Variants in MYBPC1 observed in about 807,000 individuals in gnomAD.
The protein encoded by MYBPC1 is myosin binding protein C1, also known as myosin-binding protein C, slow-type.
In MYBPC1, 52 loss-of-function variants were observed where a neutral mutation model predicts 147.1. The observed-to-expected ratio is 0.35, with a 90% CI of 0.28 to 0.45. The LOEUF (loss-of-function observed/expected upper bound fraction) is 0.45, where lower values mean the gene tolerates loss of function less well. Among genes scored for constraint, MYBPC1 ranks in the 20% least tolerant of loss-of-function variants. MYBPC1 has a pLI of 1.00. For missense variants in MYBPC1, 1,228 were observed against 1,440.3 expected, an observed-to-expected ratio of 0.85 and a Z score of 2.39; for synonymous variants, 477 against 475.9, an observed-to-expected ratio of 1.00 and a Z score of -0.03.
intron 11 of MYBPC1, 116 bp downstream of exon 11, chr12:101,642,701 G>A (rs747823939): frequency 9.6e-6 from 11 of 1,150,746 alleles, no homozygotes; most frequent in Non-Finnish European, 1.4e-5. Flanking sequence ...GAGTGGGGCT[G>A]GGTAGGAGTG....
At chr12:101,605,722 C>G (rs1881876361) in intron 1 of MYBPC1, among the ~76,000 whole-genome samples, 1 of 151,622 alleles carries the variant, frequency 6.6e-6, no homozygotes, top group Non-Finnish European at 1.5e-5. Flanking sequence ...ATTAGCTGAG[C>G]GTGGTGGTGG....
chr12:101,694,300 G>A, the MYBPC1 span, among the ~76,000 whole-genome samples: 2 of 152,200 alleles, frequency 1.3e-5, no homozygotes, highest in Non-Finnish European at 2.9e-5. Context: ...CCACATGGGA[G>A]CTGCAAAGTG....
chr12:101,685,793 T>A lies in MYBPC1; in HGVS notation c.*231T>A. On this transcript the variant is annotated 3_prime_UTR_variant, in exon 32 of 32. Transcript: ENST00000361466. ...GGCCCCCAAGTGTGGTCTTTTTCTTTCCTCCTAATGTTGAAGAGAAAAAAA... is the reference window on the plus strand; with the variant it reads ...GGCCCCCAAGTGTGGTCTTTTTCTTACCTCCTAATGTTGAAGAGAAAAAAA... 1.5e-6 allele frequency: 1 copy of A among 688,064 alleles called. No individual in the cohort carries two copies. Among genetic ancestry groups the A allele is most frequent in the East Asian group, 3.5e-5 (1 of 28,576 alleles). 42.6% of individuals were successfully genotyped at this position (688,064 alleles called of 1,614,324 possible). A position where few individuals can be genotyped will look rare whatever the true frequency, so the allele number is the denominator to read the frequency against.
chr12:101,694,716 T>C, the MYBPC1 span, among the ~76,000 whole-genome samples: 1 of 151,342 alleles, frequency 6.6e-6, no homozygotes, highest in African/African-American at 2.4e-5. Context: ...CTATTCAGTC[T>C]ACGGTATTTT....
chr12:101,634,693 A>C, intron 9 of MYBPC1, 88 bp downstream of exon 9: 1 of 1,076,122 alleles, frequency 9.3e-7, no homozygotes. Context: ...TGTATTCCGT[A>C]TTCCAAATAC....
chr12:101,672,668 T>C (rs1197932548), intron 24 of MYBPC1, among the ~76,000 whole-genome samples: 1 of 152,084 alleles, frequency 6.6e-6, no homozygotes, highest in Non-Finnish European at 1.5e-5. Context: ...GCCAACTTGG[T>C]GAAACCCTGT....
chr12:101,606,887 C>A (rs893183344), intron 1 of MYBPC1, among the ~76,000 whole-genome samples: 15 of 151,958 alleles, frequency 9.9e-5, no homozygotes, highest in African/African-American at 2.9e-4. Context: ...TGCAGTGGTG[C>A]AATCTTGACT....
downstream of MYBPC1, among the ~76,000 whole-genome samples, chr12:101,689,211 T>G (rs1004825124): frequency 1.3e-5 from 2 of 152,138 alleles, no homozygotes; most frequent in Admixed American, 6.5e-5. Context: ...AACTCTGAGC[T>G]CTCCACTAGC....
At chr12:101,674,814 G>A (rs1462708153) in intron 25 of MYBPC1, among the ~76,000 whole-genome samples, 2 of 120,232 alleles carry the variant, frequency 1.7e-5, no homozygotes, top group African/African-American at 3.3e-5. Context: ...TGTGAGCCAA[G>A]ATTTCACCAC....
intron 3 of MYBPC1, among the ~76,000 whole-genome samples, chr12:101,618,043 A>G (rs150591025): frequency 6.6e-6 from 1 of 152,366 alleles, no homozygotes; most frequent in African/African-American, 2.4e-5. Context: ...TGCATAATGA[A>G]TAAAAAAGTT....
At chr12:101,676,789 T>C (rs535159265) in intron 26 of MYBPC1, among the ~76,000 whole-genome samples, 2 of 152,250 alleles carry the variant, frequency 1.3e-5, no homozygotes, top group Non-Finnish European at 2.9e-5. Flanking sequence ...ATAAATGTAC[T>C]GGATATTACT....
At chr12:101,675,519 G>A in intron 26 of MYBPC1, 88 bp downstream of exon 26, 1 of 1,562,196 alleles carries the variant, frequency 6.4e-7, no homozygotes, top group Non-Finnish European at 8.8e-7. Context: ...TCACTGGTAA[G>A]GAGCCAACTG....
chr12:101,616,365 G>T (rs1886069879), intron 2 of MYBPC1, among the ~76,000 whole-genome samples: 1 of 152,064 alleles, frequency 6.6e-6, no homozygotes, highest in Non-Finnish European at 1.5e-5. Context: ...TTTCAGATCA[G>T]TTACTGCCAC....
chr12:101,645,971 T>C (rs1172058198), intron 12 of MYBPC1, among the ~76,000 whole-genome samples: 6 of 152,238 alleles, frequency 3.9e-5, no homozygotes, highest in Non-Finnish European at 8.8e-5. Flanking sequence ...TTAAATTGTA[T>C]AATCATTTAT....
At chr12:101,608,309 G>A (rs953165871) in intron 1 of MYBPC1, among the ~76,000 whole-genome samples, 5 of 152,106 alleles carry the variant, frequency 3.3e-5, no homozygotes, top group Admixed American at 6.6e-5. Flanking sequence ...ATCCCCTTGG[G>A]CTTATTTTTT....
At chr12:101,646,668 AAC>A (rs1039896191) in intron 12 of MYBPC1, 93 bp from the exon 13 acceptor site, 3 of 1,427,670 alleles carry the variant, frequency 2.1e-6, no homozygotes, top group Non-Finnish European at 2.0e-6. Context: ...TTGACTTTCA[AAC>A]ACTACCAAAT....
chr12:101,606,964 A>T (rs183238765), intron 1 of MYBPC1, among the ~76,000 whole-genome samples: 10 of 152,198 alleles, frequency 6.6e-5, no homozygotes, highest in African/African-American at 2.4e-4. Context: ...AGCTGGGACC[A>T]CAGGCACACA....
chr12:101,606,862 T>C (rs906129728), intron 1 of MYBPC1, among the ~76,000 whole-genome samples: 4 of 152,158 alleles, frequency 2.6e-5, no homozygotes, highest in Admixed American at 2.0e-4. Context: ...TTTGAGTCTG[T>C]CACTCAGGCT....
chr12:101,695,225 G>A, the MYBPC1 span, among the ~76,000 whole-genome samples: 1 of 152,162 alleles, frequency 6.6e-6, no homozygotes, highest in Non-Finnish European at 1.5e-5. Context: ...CACAACTGTT[G>A]CCTGAAACTA....
Sources: allele counts gnomAD v4.1 joint callset (sites outside exome capture counted in the v4.1 genomes callset), GRCh38; gene constraint gnomAD v4.1.1; transcripts MANE v1.5; gene names NCBI Gene and HGNC (gene_info 2026-07-23, HGNC 2026-07-21).